LCORL: variants seen among roughly 807,000 people sequenced by gnomAD.
LCORL encodes the protein ligand dependent nuclear receptor corepressor like, also known as ligand-dependent nuclear receptor corepressor-like protein.
A neutral mutation model predicts 141.8 loss-of-function variants in LCORL; 41 were observed. The observed-to-expected ratio is 0.29, with a 90% CI of 0.23 to 0.38. The LOEUF (loss-of-function observed/expected upper bound fraction) is 0.38. Among genes scored for constraint, LCORL ranks in the 10% least tolerant of loss-of-function variants. The pLI, the probability that LCORL is intolerant of heterozygous loss-of-function variation, is 1.00. For missense variants in LCORL, 1,759 were observed against 2,035.0 expected (o/e 0.86, Z 2.61); for synonymous variants, 618 against 694.1 (o/e 0.89, Z 1.72).
At position 17,995,675 on chromosome 4, in the gene LCORL, T is replaced by A. The variant is rs1439976281; in HGVS notation, c.155-22790A>T. ...CCCCTGTTGAAGGCTTAAACACAAC[T>A]GATTTGATACTAGAATATTTTGCTC... is the stretch of plus-strand genomic sequence containing the variant. On this transcript the variant is annotated intron_variant, in intron 1 of 7. Transcript: ENST00000635767. Among the ~76,000 whole-genome samples, 3 of 152,304 alleles carry A rather than the reference T, an allele frequency of 2.0e-5. No individual in the cohort carries two copies. The East Asian group carries it at 5.8e-4, about 29-fold the overall frequency.
intron 4 of LCORL, chr4:17,912,795 C>G (rs1732788457): frequency 4.7e-6 from 2 of 425,304 alleles, no homozygotes; most frequent in South Asian, 3.7e-5. Context: ...GAGGTCCTGC[C>G]AAACATCAAG....
rs762129450 is a variant in LCORL at position 17,935,071 on chromosome 4, C to T, written c.431-25726G>A. Among the ~76,000 whole-genome samples the T allele has an allele frequency of 5.9e-5, 9 of 152,026 alleles. No homozygotes were observed. In the South Asian group the frequency reaches 1.7e-3, roughly 28 times the overall value. On this transcript the variant is annotated intron_variant, in intron 4 of 7. Transcript: ENST00000635767. Reference sequence around the variant, plus strand: ...AAAAAAAAGTGATATTATACAGATGCCTGGTTATTACATACTTTGCCCATT... The same window carrying T: ...AAAAAAAAGTGATATTATACAGATGTCTGGTTATTACATACTTTGCCCATT...
intron 4 of LCORL, among the ~76,000 whole-genome samples, chr4:17,935,526 T>C (rs1736713649): frequency 6.6e-6 from 1 of 152,148 alleles, no homozygotes; most frequent in South Asian, 2.1e-4. Context: ...AATAAGTGAA[T>C]TCTCACTCTC....
At chr4:17,904,725 A>C (rs1731354517) in intron 5 of LCORL, among the ~76,000 whole-genome samples, 1 of 152,126 alleles carries the variant, frequency 6.6e-6, no homozygotes, top group African/African-American at 2.4e-5. Flanking sequence ...TTCTGGGCTT[A>C]CTGATCTGTC....
At chr4:17,923,192 T>A (rs1020527029) in intron 4 of LCORL, among the ~76,000 whole-genome samples, 1 of 152,176 alleles carries the variant, frequency 6.6e-6, no homozygotes, top group African/African-American at 2.4e-5. Context: ...ATGAAAATAT[T>A]AAGGGTGTGA....
At chr4:17,928,626 A>G (rs112767831) in intron 4 of LCORL, among the ~76,000 whole-genome samples, 2 of 152,286 alleles carry the variant, frequency 1.3e-5, no homozygotes, top group African/African-American at 4.8e-5. Context: ...CACTGGAAAC[A>G]TGGTACTTAA....
intron 6 of LCORL, chr4:17,880,814 C>G (rs1727465704): frequency 1.1e-6 from 1 of 886,590 alleles, no homozygotes; most frequent in Non-Finnish European, 1.4e-6. Flanking sequence ...CAACACAAGA[C>G]AGATACATGA....
At chr4:18,000,960 C>T (rs16896229) in intron 1 of LCORL, among the ~76,000 whole-genome samples, 30,975 of 152,094 alleles carry the variant, frequency 0.2, 4,000 homozygotes, top group African/African-American at 0.36. Flanking sequence ...CTACTGTAAT[C>T]CAGAAAGAAA....
At chr4:17,887,758 T>C (rs1056083658) in intron 5 of LCORL, among the ~76,000 whole-genome samples, 1 of 152,118 alleles carries the variant, frequency 6.6e-6, no homozygotes, top group African/African-American at 2.4e-5. Flanking sequence ...TTTTAAAAGA[T>C]CAATCTGCTA....
intron 4 of LCORL, among the ~76,000 whole-genome samples, chr4:17,931,210 A>C (rs1184151518): frequency 6.6e-6 from 1 of 151,486 alleles, no homozygotes; most frequent in Admixed American, 6.6e-5. Context: ...TCCTCCTCCC[A>C]CCTCTACCAC....
intron 7 of LCORL, among the ~76,000 whole-genome samples, chr4:17,865,764 CTCAA>C (rs1228801545): frequency 6.6e-6 from 1 of 152,186 alleles, no homozygotes; most frequent in East Asian, 1.9e-4. Flanking sequence ...CCACCCCATA[CTCAA>C]TCAAACTCTG....
intron 5 of LCORL, among the ~76,000 whole-genome samples, chr4:17,901,318 T>C (rs1730832428): frequency 6.6e-6 from 1 of 151,442 alleles, no homozygotes; most frequent in East Asian, 2.0e-4. Context: ...ACAACAATCA[T>C]ACCAAACAGA....
At position 17,904,655 on chromosome 4, in the gene LCORL, T is replaced by A. The variant is rs547239770; in HGVS notation, c.682+4439A>T. ...GAACTATTTATGAATACAGTATCTT[T>A]CCCCGTGATTTATAATGACATTTCT... On this transcript the variant is annotated intron_variant, in intron 5 of 7. Coordinates refer to ENST00000635767, the Ensembl canonical transcript of LCORL. 3.3e-4 allele frequency among the ~76,000 whole-genome samples: 50 copies of A among 152,234 alleles called. 1 individual carries two copies. In the South Asian group the frequency reaches 0.01, roughly 31 times the overall value.
At chr4:17,842,302 T>G (rs373289456) in exon 8 of LCORL, 9 of 1,610,556 alleles carry the variant, frequency 5.6e-6, no homozygotes, top group Non-Finnish European at 7.6e-6. Context: ...AATTATACTA[T>G]CTTCAAGGAC....
chr4:17,873,427 T>G (rs1413173018), exon 7 of LCORL: 13 of 1,233,782 alleles, frequency 1.1e-5, no homozygotes, highest in East Asian at 3.2e-5. Flanking sequence ...TGTCCACTGT[T>G]GCAAGACTGT....
chr4:17,919,441 TAAAAA>T (rs1328275190), intron 4 of LCORL, among the ~76,000 whole-genome samples: 1 of 151,836 alleles, frequency 6.6e-6, no homozygotes, highest in South Asian at 2.1e-4. Context: ...AACTATCAAA[TAAAAA>T]AAACCTATCC....
At chr4:17,952,030 A>G (rs971549446) in intron 4 of LCORL, among the ~76,000 whole-genome samples, 3 of 152,234 alleles carry the variant, frequency 2.0e-5, no homozygotes, top group Non-Finnish European at 2.9e-5. Context: ...TTAAGACACT[A>G]TAATACTAAC....
intron 7 of LCORL, chr4:17,866,858 TAAAG>T (rs1047916241): frequency 1.2e-5 from 4 of 339,192 alleles, no homozygotes; most frequent in Non-Finnish European, 1.7e-5. Flanking sequence ...TCTTAAGAAA[TAAAG>T]AAGGAAGAAA....
chr4:17,864,341 C>T (rs554058553), intron 7 of LCORL, among the ~76,000 whole-genome samples: 1 of 152,110 alleles, frequency 6.6e-6, no homozygotes, highest in Non-Finnish European at 1.5e-5. Context: ...CCTCCTGCCC[C>T]AGCCTCCCCA....
Sources: gnomAD v4.1 joint callset for allele counts (sites outside exome capture counted in the v4.1 genomes callset) on GRCh38, gnomAD v4.1.1 for gene constraint, MANE v1.5 for transcripts, NCBI Gene and HGNC (gene_info 2026-07-23, HGNC 2026-07-21) for gene names.